The following PSD3 variants were observed in gnomAD, a reference collection of about 807,000 sequenced individuals.
The protein encoded by PSD3 is pleckstrin and Sec7 domain containing 3, also known as PH and SEC7 domain-containing protein 3.
Under a neutral mutation model 105.5 loss-of-function variants are expected in PSD3, and 49 were observed. The observed-to-expected ratio is 0.46, with a 90% CI of 0.37 to 0.59. The LOEUF (loss-of-function observed/expected upper bound fraction) is 0.59, where lower values mean the gene tolerates loss of function less well. Ranked by LOEUF, PSD3 falls within the 20% of genes least tolerant of loss-of-function variation. The pLI is 0.00. For synonymous variants in PSD3, 557 were observed against 457.8 expected (o/e 1.22, Z -2.77); for missense variants, 1,561 against 1,263.8 (o/e 1.24, Z -3.57).
intron 2 of PSD3, among the ~76,000 whole-genome samples, chr8:18,888,946 G>T (rs1818608261): frequency 6.6e-6 from 1 of 152,150 alleles, no homozygotes; most frequent in Admixed American, 6.6e-5. Flanking sequence ...CATCCCATAA[G>T]CTAGCGGGGC....
chr8:18,619,238 A>G (rs970775113), intron 11 of PSD3, among the ~76,000 whole-genome samples: 1 of 152,066 alleles, frequency 6.6e-6, no homozygotes, highest in African/African-American at 2.4e-5. Context: ...ACCTCCTTAT[A>G]TCCACTTCCT....
chr8:19,048,989 T>C (rs1000213385), intron 1 of PSD3, among the ~76,000 whole-genome samples: 3 of 152,238 alleles, frequency 2.0e-5, no homozygotes, highest in African/African-American at 7.2e-5. Context: ...CCCCTCAGTC[T>C]CTGTGTTGCC....
At chr8:18,750,126 T>A (rs953962613) in intron 9 of PSD3, among the ~76,000 whole-genome samples, 7 of 152,152 alleles carry the variant, frequency 4.6e-5, no homozygotes, top group African/African-American at 1.7e-4. Context: ...TAACACATTC[T>A]CCTTCATATT....
chr8:18,690,242 C>T (rs182435101), intron 9 of PSD3, among the ~76,000 whole-genome samples: 1 of 152,278 alleles, frequency 6.6e-6, no homozygotes, highest in Admixed American at 6.5e-5. Context: ...ACGTATGTGA[C>T]AGCTCCCTGT....
chr8:18,964,830 G>C (rs1287269226), intron 1 of PSD3, among the ~76,000 whole-genome samples: 3 of 152,178 alleles, frequency 2.0e-5, no homozygotes, highest in Non-Finnish European at 1.5e-5. Context: ...AGGTGGCATA[G>C]ATTTGTTCAC....
chr8:18,627,073 G>C (rs930646371), intron 11 of PSD3, among the ~76,000 whole-genome samples: 4 of 152,052 alleles, frequency 2.6e-5, no homozygotes, highest in Non-Finnish European at 5.9e-5. Flanking sequence ...GTCTATGTAA[G>C]TATATAAAAC....
intron 2 of PSD3, among the ~76,000 whole-genome samples, chr8:18,880,338 T>C (rs1818029377): frequency 6.6e-6 from 1 of 152,210 alleles, no homozygotes; most frequent in South Asian, 2.1e-4. Flanking sequence ...TTACCTGCTA[T>C]GTACTAAACA....
At chr8:18,652,492 A>ATTTTTTTTTTTT (rs1808570412) in intron 10 of PSD3, among the ~76,000 whole-genome samples, 7 of 79,796 alleles carry the variant, frequency 8.8e-5, no homozygotes, top group Non-Finnish European at 1.6e-4. Context: ...GAAAAAGCTT[A>ATTTTTTTTTTTT]GTTTTTTTTT....
chr8:18,881,552 C>G (rs774243576), intron 2 of PSD3, among the ~76,000 whole-genome samples: 4 of 152,162 alleles, frequency 2.6e-5, no homozygotes, highest in Non-Finnish European at 5.9e-5. Flanking sequence ...TCACTGTAAG[C>G]TGAAATTTGA....
At chr8:18,760,645 AT>A (rs1486839230) in intron 9 of PSD3, among the ~76,000 whole-genome samples, 1 of 152,204 alleles carries the variant, frequency 6.6e-6, no homozygotes, top group Non-Finnish European at 1.5e-5. Context: ...GCTGATGAAC[AT>A]TTAGGATGAT....
rs561114948 is a variant in PSD3 at position 18,600,131 on chromosome 8, G to C, written c.2481+233C>G. ...CTGGACAAAGGGATGATTCACAGCT[G>C]GTCAGGATGCAGCAGGATTGAGAAA... On this transcript the variant is annotated intron_variant, in intron 12 of 15. Coordinates refer to ENST00000327040, the MANE Select transcript of PSD3 (RefSeq NM_015310.4). Among the ~76,000 whole-genome samples, 6 of 152,232 alleles carry C rather than the reference G, an allele frequency of 3.9e-5. No individual in the cohort carries two copies. In the South Asian group the frequency reaches 1.2e-3, roughly 32 times the overall value.
At chr8:19,068,314 A>C (rs1446849386) in intron 1 of PSD3, among the ~76,000 whole-genome samples, 2 of 149,400 alleles carry the variant, frequency 1.3e-5, no homozygotes, top group Non-Finnish European at 3.0e-5. Context: ...TTTTTGAGAC[A>C]GGGTTCACTC....
intron 4 of PSD3, among the ~76,000 whole-genome samples, chr8:18,856,992 T>G (rs112404271): frequency 6.6e-6 from 1 of 152,320 alleles, no homozygotes; most frequent in Non-Finnish European, 1.5e-5. Flanking sequence ...ACCCACACTC[T>G]TCGCCACCAA....
intron 9 of PSD3, among the ~76,000 whole-genome samples, chr8:18,681,869 A>C (rs1800407341): frequency 6.6e-6 from 1 of 152,172 alleles, no homozygotes; most frequent in Non-Finnish European, 1.5e-5. Context: ...CTTAGGGACC[A>C]CATATGCCTC....
chr8:18,935,239 A>G (rs1050490232), intron 2 of PSD3, among the ~76,000 whole-genome samples: 1 of 152,228 alleles, frequency 6.6e-6, no homozygotes, highest in Non-Finnish European at 1.5e-5. Flanking sequence ...TAGTTCCAGA[A>G]GACTAAATTT....
At chr8:18,870,140 A>G (rs1817228219) in intron 3 of PSD3, among the ~76,000 whole-genome samples, 1 of 151,886 alleles carries the variant, frequency 6.6e-6, no homozygotes, top group Non-Finnish European at 1.5e-5. Flanking sequence ...AAGGAGCACC[A>G]CTCTCAGTGG....
At chr8:19,055,511 C>A (rs944456848) in intron 1 of PSD3, among the ~76,000 whole-genome samples, 4 of 152,326 alleles carry the variant, frequency 2.6e-5, no homozygotes, top group Non-Finnish European at 2.9e-5. Flanking sequence ...CCTCGGCCTC[C>A]CAAAGTGCTG....
intron 11 of PSD3, among the ~76,000 whole-genome samples, chr8:18,620,616 G>A (rs1022350407): frequency 6.6e-6 from 1 of 152,014 alleles, no homozygotes; most frequent in African/African-American, 2.4e-5. Context: ...GGCTGAGGTA[G>A]GGGGGACTGC....
At chr8:18,605,572 G>T (rs1025565042) in intron 11 of PSD3, among the ~76,000 whole-genome samples, 1 of 152,166 alleles carries the variant, frequency 6.6e-6, no homozygotes, top group Non-Finnish European at 1.5e-5. Flanking sequence ...TTTGGGGAAC[G>T]TTGGGAAGGC....
Sources: allele counts gnomAD v4.1 joint callset (sites outside exome capture counted in the v4.1 genomes callset), GRCh38; gene constraint gnomAD v4.1.1; transcripts MANE v1.5; gene names NCBI Gene and HGNC (gene_info 2026-07-23, HGNC 2026-07-21).